The following CHCHD3 variants were observed in gnomAD, a reference collection of about 807,000 sequenced individuals.
CHCHD3 encodes coiled-coil-helix-coiled-coil-helix domain containing 3.
CHCHD3 carries 20 observed loss-of-function variants against 38.2 expected under a neutral mutation model. The observed-to-expected ratio is 0.52, with a 90% CI of 0.37 to 0.76. The LOEUF (loss-of-function observed/expected upper bound fraction) is 0.76. Among genes scored for constraint, CHCHD3 ranks in the 30% least tolerant of loss-of-function variants. The pLI is 0.00. For missense variants in CHCHD3, 245 were observed against 279.2 expected, an observed-to-expected ratio of 0.88 and a Z score of 0.87; for synonymous variants, 82 against 100.0, an observed-to-expected ratio of 0.82 and a Z score of 1.07.
At chr7:132,881,637 A>C (rs1344333226) in intron 5 of CHCHD3, among the ~76,000 whole-genome samples, 2 of 152,186 alleles carry the variant, frequency 1.3e-5, no homozygotes, top group South Asian at 4.1e-4. Flanking sequence ...AGAGGAAAAG[A>C]TATGTGCTTA....
intron 4 of CHCHD3, among the ~76,000 whole-genome samples, chr7:132,898,999 C>G (rs1253343184): frequency 7.9e-5 from 12 of 152,224 alleles, no homozygotes; most frequent in Admixed American, 7.8e-4. Flanking sequence ...CTCCACACCT[C>G]CCTACAAGCT....
At chr7:133,079,940 A>C (rs1448679065) in intron 1 of CHCHD3, among the ~76,000 whole-genome samples, 1 of 152,222 alleles carries the variant, frequency 6.6e-6, no homozygotes, top group Non-Finnish European at 1.5e-5. Context: ...GTATGGCTAC[A>C]AGAAACTTAC....
chr7:132,833,256 G>A (rs756241030), intron 6 of CHCHD3, among the ~76,000 whole-genome samples: 1 of 152,132 alleles, frequency 6.6e-6, no homozygotes, highest in African/African-American at 2.4e-5. Context: ...GACAATTACT[G>A]TTTTAGTTGG....
rs1234610048 is a variant in CHCHD3 at position 132,807,607 on chromosome 7, AT to A, written c.525-11031del. Among the ~76,000 whole-genome samples, 5 of 3,576 alleles carry A rather than the reference AT, an allele frequency of 1.4e-3. No individual in the cohort carries two copies. In the African/African-American group the frequency reaches 0.016, roughly 12 times the overall value. The allele number at this position is 3,576 out of a possible 152,430, so 2.3% of individuals were successfully genotyped here. On this transcript the variant is annotated intron_variant, in intron 6 of 7. Coordinates refer to ENST00000262570, the MANE Select transcript of CHCHD3 (RefSeq NM_017812.4). ...CATGTATATGCTAACATACACATAA[AT>A]ATATATATATATATATATATATATA...
chr7:132,965,391 T>C (rs1811435778), intron 4 of CHCHD3, among the ~76,000 whole-genome samples: 2 of 151,420 alleles, frequency 1.3e-5, no homozygotes, highest in East Asian at 1.9e-4. Flanking sequence ...GAATCAATGA[T>C]AGATGTCCTG....
intron 3 of CHCHD3, among the ~76,000 whole-genome samples, chr7:132,980,862 T>A (rs772563332): frequency 1.3e-5 from 2 of 152,222 alleles, no homozygotes; most frequent in Non-Finnish European, 2.9e-5. Flanking sequence ...CAGTTTGACT[T>A]TACTCTAAAG....
chr7:132,898,791 C>G (rs529545065), intron 4 of CHCHD3, among the ~76,000 whole-genome samples: 2 of 152,228 alleles, frequency 1.3e-5, no homozygotes, highest in Admixed American at 6.5e-5. Flanking sequence ...TCGAGCGCAG[C>G]GCCGGTGGGC....
chr7:132,965,027 A>C (rs569712317), intron 4 of CHCHD3, among the ~76,000 whole-genome samples: 1 of 151,328 alleles, frequency 6.6e-6, no homozygotes, highest in South Asian at 2.1e-4. Flanking sequence ...GCCTGCCTCT[A>C]TGCTAAGTAG....
At chr7:132,919,978 G>A (rs888499519) in intron 4 of CHCHD3, among the ~76,000 whole-genome samples, 2 of 152,092 alleles carry the variant, frequency 1.3e-5, no homozygotes, top group East Asian at 1.9e-4. Flanking sequence ...CTCACTTCTC[G>A]GGTTTCTGGG....
chr7:133,016,733 A>C (rs1232859516), intron 3 of CHCHD3, among the ~76,000 whole-genome samples: 1 of 152,190 alleles, frequency 6.6e-6, no homozygotes, highest in African/African-American at 2.4e-5. Flanking sequence ...ACTCTCTCTG[A>C]ATATTCTCCA....
intron 3 of CHCHD3, among the ~76,000 whole-genome samples, chr7:132,985,603 C>T (rs1188154017): frequency 1.3e-5 from 1 of 76,874 alleles, no homozygotes; most frequent in East Asian, 5.1e-4. Flanking sequence ...AGGTGAGGGG[C>T]GCCTCTGCCC....
intron 3 of CHCHD3, among the ~76,000 whole-genome samples, chr7:133,015,705 C>T (rs1054421997): frequency 2.0e-5 from 3 of 152,130 alleles, no homozygotes; most frequent in East Asian, 3.9e-4. Context: ...GATTCAAATC[C>T]GAGCCCCACC....
chr7:132,861,598 G>T (rs747640172), intron 5 of CHCHD3, among the ~76,000 whole-genome samples: 1 of 152,140 alleles, frequency 6.6e-6, no homozygotes, highest in East Asian at 1.9e-4. Context: ...AAAGCAGGAG[G>T]TGACAAACTT....
At chr7:133,046,872 G>T (rs1309998912) in intron 2 of CHCHD3, among the ~76,000 whole-genome samples, 1 of 152,060 alleles carries the variant, frequency 6.6e-6, no homozygotes, top group Non-Finnish European at 1.5e-5. Context: ...CATATTTTTT[G>T]TATTTAAAAG....
intron 3 of CHCHD3, chr7:133,022,287 G>A (rs984940504): frequency 2.3e-5 from 9 of 390,090 alleles, no homozygotes; most frequent in Non-Finnish European, 4.1e-5. Context: ...TGTGCATTTG[G>A]AGGGAAAAGA....
chr7:132,972,777 A>G, intron 4 of CHCHD3: 1 of 985,430 alleles, frequency 1.0e-6, no homozygotes, highest in Non-Finnish European at 1.2e-6. Context: ...ATATTACAAC[A>G]GATGCTGAAA....
intron 4 of CHCHD3, among the ~76,000 whole-genome samples, chr7:132,925,242 GA>G (rs1052976515): frequency 6.0e-5 from 9 of 149,404 alleles, no homozygotes; most frequent in Non-Finnish European, 1.0e-4. Context: ...TTAAAAAAAA[GA>G]AAAAAAAAGG....
chr7:133,025,434 C>T (rs549006325), intron 2 of CHCHD3, among the ~76,000 whole-genome samples: 18 of 152,350 alleles, frequency 1.2e-4, no homozygotes, highest in African/African-American at 4.1e-4. Flanking sequence ...AAATTACGAA[C>T]AAGAAAGCAC....
chr7:132,969,158 G>GTTT (rs201954730), intron 4 of CHCHD3, among the ~76,000 whole-genome samples: 2 of 141,870 alleles, frequency 1.4e-5, no homozygotes, highest in East Asian at 2.1e-4. Flanking sequence ...TTTTTACTGT[G>GTTT]TTTTTTTTTT....
Sources: allele counts gnomAD v4.1 joint callset (sites outside exome capture counted in the v4.1 genomes callset), GRCh38; gene constraint gnomAD v4.1.1; transcripts MANE v1.5; gene names NCBI Gene and HGNC (gene_info 2026-07-23, HGNC 2026-07-21).